Variants in RAB20 observed in about 807,000 individuals in gnomAD.
The protein encoded by RAB20 is ras-related protein Rab-20.
Under a neutral mutation model 3.7 loss-of-function variants are expected in RAB20, and 2 were observed. That is an observed-to-expected ratio of 0.54 (90% CI 0.22 to 1.69). The LOEUF (loss-of-function observed/expected upper bound fraction) is 1.69, where lower values mean the gene tolerates loss of function less well. Ranked by LOEUF, RAB20 falls within the 40% of genes most tolerant of loss-of-function variation. The pLI is 0.19. For missense variants in RAB20, 276 were observed against 311.9 expected, an observed-to-expected ratio of 0.88 and a Z score of 0.87; for synonymous variants, 126 against 130.8, an observed-to-expected ratio of 0.96 and a Z score of 0.25.
In RAB20 at chr13:110,541,384, T is replaced by C. The variant is rs544007468; in HGVS notation, c.173-17187A>G. Among the ~76,000 whole-genome samples, 4 of 152,280 alleles carry C rather than the reference T, an allele frequency of 2.6e-5. No individual in the cohort carries two copies. The East Asian group carries it at 7.7e-4, about 29-fold the overall frequency. On this transcript the variant is annotated intron_variant, in intron 1 of 1. Transcript: ENST00000267328. ...GAAAAGTGCCTGGCTAAGTAAACAA[T>C]AGGCCACCAGCTTTAGCACATGGGA...
Position 110,555,720 on chromosome 13 carries a change from C to T in RAB20, c.172+5628G>A, listed in dbSNP as rs187504194. On this transcript the variant is annotated intron_variant, in intron 1 of 1. Transcript: ENST00000267328. This position sits in a 1 kb window ranked among gnomAD's most constrained non-coding sequence, Gnocchi z 4.0. Reference sequence around the variant, plus strand: ...AGCCGGCCCCCTGCTCGACTCCAAACAGCAAAGGAAGAAATTCAATATGGC... The same window carrying T: ...AGCCGGCCCCCTGCTCGACTCCAAATAGCAAAGGAAGAAATTCAATATGGC... 1.3e-5 allele frequency among the ~76,000 whole-genome samples: 2 copies of T among 152,362 alleles called. No individual in the cohort carries two copies. The highest frequency in any genetic ancestry group is 1.3e-4 in the Admixed American group (2 of 15,312).
chr13:110,536,414 A>C (rs760150694), intron 1 of RAB20, among the ~76,000 whole-genome samples: 2 of 152,152 alleles, frequency 1.3e-5, no homozygotes, highest in African/African-American at 4.8e-5. Flanking sequence ...AGGAAGAATG[A>C]TATCTCCTCT....
At chr13:110,533,603 G>A (rs188104805) in intron 1 of RAB20, among the ~76,000 whole-genome samples, 145 of 152,262 alleles carry the variant, frequency 9.5e-4, no homozygotes, top group South Asian at 6.4e-3. Context: ...CAGGAGGATC[G>A]CTTAAGCCCA....
rs1884363798 is a variant in RAB20, at chr13:110,523,333, T to A, written c.*332A>T. 2.0e-6 allele frequency: 1 copy of A among 501,880 alleles called. No homozygotes were observed. Among genetic ancestry groups the A allele is most frequent in the East Asian group, 3.1e-5 (1 of 32,656 alleles). The allele number at this position is 501,880 out of a possible 1,614,324, so 31.1% of individuals were successfully genotyped here. ...AGGTGCAGGTGCAGACGCAGGCTTC[T>A]GCCTCTGCAAGGGCAAGGGGGCCGT... is the stretch of plus-strand genomic sequence containing the variant. On this transcript the variant is annotated 3_prime_UTR_variant, in exon 2 of 2. Coordinates refer to ENST00000267328, the MANE Select transcript of RAB20 (RefSeq NM_017817.3).
chr13:110,561,221 C>T lies in RAB20; in HGVS notation c.172+127G>A, dbSNP rs569165352. 2.7e-5 allele frequency: 34 copies of T among 1,239,790 alleles called. No homozygotes were observed. In the African/African-American group the frequency reaches 3.0e-4, roughly 11 times the overall value. 76.8% of individuals were successfully genotyped at this position (1,239,790 alleles called of 1,614,324 possible). ...GCAAGGGAGGACGAGTGGGAAACCC[C>T]GAGAAGGAGGCATTTGCTGTCCGAG... On this transcript the variant is annotated intron_variant, in intron 1 of 1. Coordinates refer to ENST00000267328, the MANE Select transcript of RAB20 (RefSeq NM_017817.3).
intron 1 of RAB20, 43 bp downstream of exon 1, chr13:110,561,305 G>A: frequency 6.6e-7 from 1 of 1,517,546 alleles, no homozygotes; most frequent in Non-Finnish European, 8.8e-7. Context: ...CCCGTCCCCG[G>A]CGGAGCCCCA....
intron 1 of RAB20, among the ~76,000 whole-genome samples, chr13:110,548,499 CA>C (rs58997928): frequency 6.7e-6 from 1 of 149,738 alleles, no homozygotes; most frequent in Non-Finnish European, 1.5e-5. Context: ...AAAATAAAAA[CA>C]AAAAAAAACT....
intron 1 of RAB20, among the ~76,000 whole-genome samples, chr13:110,556,292 G>A (rs1275375578): frequency 1.3e-5 from 2 of 152,218 alleles, no homozygotes; most frequent in African/African-American, 4.8e-5. Flanking sequence ...GGGAAGCAGA[G>A]GGGCTGGTTC....
chr13:110,539,564 GTT>G (rs1192467991), intron 1 of RAB20, among the ~76,000 whole-genome samples: 1 of 90,476 alleles, frequency 1.1e-5, no homozygotes. Context: ...TGGGTTTTTT[GTT>G]TTTTTTTTTT....
chr13:110,532,008 T>TAC (rs1465335425), intron 1 of RAB20, among the ~76,000 whole-genome samples: 1 of 152,194 alleles, frequency 6.6e-6, no homozygotes, highest in Non-Finnish European at 1.5e-5. Flanking sequence ...GCCAGGCTTC[T>TAC]ACCCCAAGTG....
Position 110,535,196 on chromosome 13 carries a change from C to T in RAB20, c.173-10999G>A, listed in dbSNP as rs554285901. Reference sequence around the variant, plus strand: ...TGAGAAATTTAAATTCAGAATTCTTCCTCATTTTGAAAAGCACACATCTCA... The same window carrying T: ...TGAGAAATTTAAATTCAGAATTCTTTCTCATTTTGAAAAGCACACATCTCA... On this transcript the variant is annotated intron_variant, in intron 1 of 1. Transcript: ENST00000267328. 3.3e-5 allele frequency among the ~76,000 whole-genome samples: 5 copies of T among 152,324 alleles called. No individual in the cohort carries two copies. In the South Asian group the frequency reaches 1.0e-3, roughly 32 times the overall value.
Position 110,523,744 on chromosome 13 carries a change from C to A in RAB20, c.626G>T (p.Arg209Ile). Residue 209 changes from arginine to isoleucine, a missense_variant, in exon 2 of 2, where the codon AGA becomes ATA. Arg to Ile is a moderately conservative substitution (Grantham distance 97). Transcript: ENST00000267328. ...DLVVPMILQQ[R>I]AERPSHTVDI... ...CACTGTGTGTGACGGCCTCTCAGCT[C>A]TCTGCTGTAAGATCATTGGCACCAC... The A allele has an allele frequency of 6.2e-7, 1 of 1,614,186 alleles. No homozygotes were observed.
intron 1 of RAB20, among the ~76,000 whole-genome samples, chr13:110,549,716 T>C (rs1276231244): frequency 1.2e-5 from 1 of 83,152 alleles, no homozygotes; most frequent in Non-Finnish European, 2.7e-5. Context: ...TCACACTTTT[T>C]TAAATTTTTT....
chr13:110,532,302 T>C (rs1286011146), intron 1 of RAB20, among the ~76,000 whole-genome samples: 1 of 152,210 alleles, frequency 6.6e-6, no homozygotes, highest in East Asian at 1.9e-4. Context: ...TTAGAAAGCT[T>C]GGTATTTCAA....
rs1885016468 is a variant in RAB20, at chr13:110,555,024, T to TC, written c.172+6323dup. Among the ~76,000 whole-genome samples the TC allele has an allele frequency of 6.6e-6, 1 of 151,762 alleles. No homozygotes were observed. Among genetic ancestry groups the TC allele is most frequent in the African/African-American group, 2.4e-5 (1 of 41,306 alleles). On this transcript the variant is annotated intron_variant, in intron 1 of 1. Transcript: ENST00000267328. This position sits in a 1 kb window ranked among gnomAD's most constrained non-coding sequence, Gnocchi z 4.0. ...TCAGGGAGCGACTGTGGGAGCCGCC[T>TC]CCCCTCTGTAAGATGCTGCTTCCCA... is the stretch of plus-strand genomic sequence containing the variant.
chr13:110,547,341 C>G (rs542258291), intron 1 of RAB20, among the ~76,000 whole-genome samples: 1 of 152,188 alleles, frequency 6.6e-6, no homozygotes, highest in Non-Finnish European at 1.5e-5. Flanking sequence ...TAATTCTACA[C>G]GGGGAAAGCG....
rs376239923 is a variant in RAB20 at position 110,557,354 on chromosome 13, G to C, written c.172+3994C>G. ...GATGAGGAAGAACAGATAGGATGAG[G>C]GAAGAATTGTCGAACAAAGAGGAGC... On this transcript the variant is annotated intron_variant, in intron 1 of 1. Transcript: ENST00000267328. 4.6e-5 allele frequency among the ~76,000 whole-genome samples: 7 copies of C among 152,302 alleles called. No homozygotes were observed. In the East Asian group the frequency reaches 9.6e-4, roughly 21 times the overall value.
chr13:110,538,725 G>A (rs1884700134), intron 1 of RAB20, among the ~76,000 whole-genome samples: 1 of 151,984 alleles, frequency 6.6e-6, no homozygotes, highest in South Asian at 2.1e-4. Flanking sequence ...CAGAAAACCA[G>A]CTCCCTGGGG....
intron 1 of RAB20, among the ~76,000 whole-genome samples, chr13:110,529,662 G>A (rs998172316): frequency 7.9e-5 from 12 of 152,204 alleles, no homozygotes; most frequent in Non-Finnish European, 1.5e-4. Context: ...AACGGAGCCA[G>A]GCTGCCGAGC....
Sources: allele counts gnomAD v4.1 joint callset (sites outside exome capture counted in the v4.1 genomes callset), GRCh38; gene constraint gnomAD v4.1.1; non-coding constraint Gnocchi (gnomAD v3.1); transcripts MANE v1.5; gene names NCBI Gene and HGNC (gene_info 2026-07-23, HGNC 2026-07-21).